SMAD6: variants seen among roughly 807,000 people sequenced by gnomAD.
The protein encoded by SMAD6 is MAD homolog 6.
SMAD6 carries 103 observed loss-of-function variants against 39.4 expected under a neutral mutation model. The observed-to-expected ratio is 2.62, with a 90% CI of 2.23 to 3.08. The LOEUF (loss-of-function observed/expected upper bound fraction) is 3.08, where lower values mean the gene tolerates loss of function less well. SMAD6 is among the 30% of genes most tolerant of loss of function. SMAD6 has a pLI of 0.00. For missense variants in SMAD6, 1,104 were observed against 742.9 expected, an observed-to-expected ratio of 1.49 and a Z score of -5.65; for synonymous variants, 445 against 353.3, an observed-to-expected ratio of 1.26 and a Z score of -2.91.
At position 66,716,177 on chromosome 15, in the gene SMAD6, G is replaced by A. The variant is rs186889171; in HGVS notation, c.875-244G>A. ...TTTCTGTGGTCAGGGCAATGGCAGC[G>A]TTTTCAGGTACCAGCTTCACCACAG... On this transcript the variant is annotated intron_variant, in intron 2 of 3. Transcript: ENST00000288840. Among the ~76,000 whole-genome samples the A allele has an allele frequency of 1.7e-3, 253 of 152,312 alleles. 1 individual carries two copies. Among genetic ancestry groups the A allele is most frequent in the Non-Finnish European group, 1.4e-3 (98 of 68,020 alleles).
chr15:66,761,492 C>T (rs1240574545), intron 3 of SMAD6, among the ~76,000 whole-genome samples: 3 of 152,238 alleles, frequency 2.0e-5, no homozygotes, highest in African/African-American at 2.4e-5. Flanking sequence ...GAAGGACTCT[C>T]TCCCTTCTAC....
At chr15:66,727,338 A>C (rs1203242853) in intron 3 of SMAD6, among the ~76,000 whole-genome samples, 1 of 152,070 alleles carries the variant, frequency 6.6e-6, no homozygotes, top group African/African-American at 2.4e-5. Flanking sequence ...CCTGGCCTCA[A>C]GTGATCCGCC....
intron 3 of SMAD6, among the ~76,000 whole-genome samples, chr15:66,768,581 G>A (rs1368908068): frequency 1.3e-5 from 2 of 152,134 alleles, no homozygotes; most frequent in East Asian, 3.8e-4. Flanking sequence ...CTGAAACAAG[G>A]CTCACACATA....
intron 3 of SMAD6, among the ~76,000 whole-genome samples, chr15:66,761,344 A>G (rs892656214): frequency 2.0e-5 from 3 of 152,128 alleles, no homozygotes; most frequent in African/African-American, 4.8e-5. Flanking sequence ...GTGTCTTACA[A>G]TGTTATCTTC....
At chr15:66,704,103 CCCCGG>C in intron 1 of SMAD6, 28 bp downstream of exon 1, 1 of 1,385,418 alleles carries the variant, frequency 7.2e-7, no homozygotes, top group Non-Finnish European at 9.4e-7. Context: ...GCCGGGGGGG[CCCCGG>C]GTCCCCGTCC....
At chr15:66,733,292 A>G (rs1404463615) in intron 3 of SMAD6, among the ~76,000 whole-genome samples, 1 of 152,218 alleles carries the variant, frequency 6.6e-6, no homozygotes, top group African/African-American at 2.4e-5. Context: ...TTGCATATGT[A>G]TATAAATTTT....
chr15:66,782,100 T>C lies in SMAD6; in HGVS notation c.*565T>C, dbSNP rs921974264. The C allele has an allele frequency of 2.8e-5, 11 of 395,630 alleles. No individual in the cohort carries two copies. Among genetic ancestry groups the C allele is most frequent in the East Asian group, 2.5e-4 (7 of 27,638 alleles). The allele number at this position is 395,630 out of a possible 1,614,324, so 24.5% of individuals were successfully genotyped here. ...CCTCAGTTTTCAAGTTTTACTTTTA[T>C]TGGATAAAGACAGAACAAATTGAAA... On this transcript the variant is annotated 3_prime_UTR_variant, in exon 4 of 4. Transcript: ENST00000288840.
chr15:66,773,608 C>G (rs1167911495), intron 3 of SMAD6, among the ~76,000 whole-genome samples: 2 of 152,152 alleles, frequency 1.3e-5, no homozygotes, highest in African/African-American at 4.8e-5. Flanking sequence ...CACGTAATTA[C>G]TCCCAGGCCT....
At chr15:66,774,253 C>A (rs1894427543) in intron 3 of SMAD6, among the ~76,000 whole-genome samples, 1 of 152,208 alleles carries the variant, frequency 6.6e-6, no homozygotes. Flanking sequence ...CGTTCCTGCC[C>A]TTTGTTTTGA....
chr15:66,781,310 CCG>C lies in SMAD6; in HGVS notation c.1270_1271del (p.Ala424ProfsTer140). The stretch of plus-strand genomic sequence containing the variant: ...CCCCGACGCTGGACGCGCCCGGCGG[CCG>C]CGCCCTGGTCGTGCGCAAGGTGCCC... ...NSPTLDAPGG[R>X]ALVVRKVPPG... On this transcript the variant is annotated frameshift_variant, in exon 4 of 4. Coordinates refer to ENST00000288840, the MANE Select transcript of SMAD6 (RefSeq NM_005585.5). LOFTEE classifies it high-confidence loss of function. 1.9e-6 allele frequency: 3 copies of C among 1,601,388 alleles called. No individual in the cohort carries two copies. Among genetic ancestry groups the C allele is most frequent in the Non-Finnish European group, 2.6e-6 (3 of 1,175,474 alleles).
At chr15:66,776,896 A>T (rs749223734) in intron 3 of SMAD6, among the ~76,000 whole-genome samples, 3 of 152,176 alleles carry the variant, frequency 2.0e-5, no homozygotes, top group Admixed American at 6.5e-5. Flanking sequence ...ACATGGCAAA[A>T]CCCGGTGGTG....
intron 3 of SMAD6, among the ~76,000 whole-genome samples, chr15:66,738,327 G>A (rs865824557): frequency 7.2e-5 from 11 of 152,180 alleles, no homozygotes; most frequent in East Asian, 1.9e-4. Context: ...GGTGTGCAGC[G>A]GGTGCATACT....
chr15:66,716,851 G>A (rs1399181110), intron 3 of SMAD6, among the ~76,000 whole-genome samples: 4 of 152,206 alleles, frequency 2.6e-5, no homozygotes, highest in Non-Finnish European at 4.4e-5. Context: ...AAGTGGATGT[G>A]GTATACATTT....
intron 3 of SMAD6, among the ~76,000 whole-genome samples, chr15:66,771,536 A>T (rs563604801): frequency 6.6e-6 from 1 of 152,158 alleles, no homozygotes; most frequent in Non-Finnish European, 1.5e-5. Context: ...CAGCCCAGCT[A>T]GGTGGCCACC....
Position 66,781,471 on chromosome 15 carries a change from A to G in SMAD6, c.1427A>G (p.Tyr476Cys), listed in dbSNP as rs1038045318. ...ISFAKGWGPC[Y>C]SRQFITSCPC... ...TTCGCCAAGGGCTGGGGGCCCTGCTACTCCCGGCAGTTCATCACCTCCTGC... is the reference window on the plus strand; with the variant it reads ...TTCGCCAAGGGCTGGGGGCCCTGCTGCTCCCGGCAGTTCATCACCTCCTGC... Residue 476 changes from tyrosine (Y) to cysteine (C), a missense_variant, in exon 4 of 4, where the codon TAC (tyrosine) becomes TGC (cysteine). Physicochemically the swap from Tyr to Cys is radical, Grantham distance 194 (BLOSUM62 -2). Coordinates refer to ENST00000288840, the MANE Select transcript of SMAD6 (RefSeq NM_005585.5). The G allele has an allele frequency of 4.4e-6, 7 of 1,600,458 alleles. No individual in the cohort carries two copies. The highest frequency in any genetic ancestry group is 1.7e-5 in the Admixed American group (1 of 59,296).
At chr15:66,716,524 T>TG in intron 3 of SMAD6, 26 bp downstream of exon 3, 1 of 1,552,816 alleles carries the variant, frequency 6.4e-7, no homozygotes, top group Middle Eastern at 1.7e-4. Flanking sequence ...TGTGCATTGC[T>TG]GTTGTGTTGA....
intron 1 of SMAD6, among the ~76,000 whole-genome samples, chr15:66,710,768 A>G (rs1893211161): frequency 7.0e-6 from 1 of 143,882 alleles, no homozygotes; most frequent in African/African-American, 2.6e-5. Flanking sequence ...GTTTTTAAGG[A>G]GAAGTATTTT....
intron 3 of SMAD6, among the ~76,000 whole-genome samples, chr15:66,746,303 T>G (rs1893906766): frequency 6.6e-6 from 1 of 152,226 alleles, no homozygotes; most frequent in Non-Finnish European, 1.5e-5. Flanking sequence ...CTCAAAAGGC[T>G]GCATGACCCA....
intron 3 of SMAD6, among the ~76,000 whole-genome samples, chr15:66,762,323 G>A (rs551936830): frequency 2.6e-5 from 4 of 152,168 alleles, no homozygotes; most frequent in South Asian, 2.1e-4. Context: ...CACAGTAGGC[G>A]CTTAGCAAGC....
Sources: gnomAD v4.1 joint callset for allele counts (sites outside exome capture counted in the v4.1 genomes callset) on GRCh38, gnomAD v4.1.1 for gene constraint, MANE v1.5 for transcripts, NCBI Gene and HGNC (gene_info 2026-07-23, HGNC 2026-07-21) for gene names.